Variants in MYO16 observed in about 807,000 individuals in gnomAD.
MYO16 encodes myosin XVI.
MYO16 carries 94 observed loss-of-function variants against 205.3 expected under a neutral mutation model. That is an observed-to-expected ratio of 0.46 (90% CI 0.39 to 0.54). The LOEUF is 0.54. MYO16 is among the 20% of genes least tolerant of loss of function. MYO16 has a pLI of 0.00. For synonymous variants in MYO16, 988 were observed against 954.0 expected (o/e 1.04, Z -0.66); for missense variants, 2,315 against 2,387.5 (o/e 0.97, Z 0.63).
intron 9 of MYO16, among the ~76,000 whole-genome samples, chr13:108,834,850 A>G (rs1876818772): frequency 6.6e-6 from 1 of 152,086 alleles, no homozygotes; most frequent in African/African-American, 2.4e-5. Context: ...CTACAAATGC[A>G]TAGTAAATGA....
At chr13:108,996,599 A>G (rs992170753) in intron 21 of MYO16, among the ~76,000 whole-genome samples, 5 of 152,204 alleles carry the variant, frequency 3.3e-5, no homozygotes, top group Admixed American at 6.5e-5. Flanking sequence ...AATTGCTTCA[A>G]ATGAGTCCAC....
rs367926306 is a variant in MYO16, at chr13:108,746,808, AT to A, written c.507+19226del. ...TCAGAGAACACCAGGCAAGATAAAC[AT>A]AAAAAACAAACGATGAAAACCCAAA... On this transcript the variant is annotated intron_variant, in intron 4 of 34. Coordinates refer to ENST00000457511, the MANE Select transcript of MYO16 (RefSeq NM_001198950.3). Among the ~76,000 whole-genome samples, 97 of 152,064 alleles carry A rather than the reference AT, an allele frequency of 6.4e-4. 1 individual carries two copies. The South Asian group carries it at 0.014, about 22-fold the overall frequency.
the MYO16 span, among the ~76,000 whole-genome samples, chr13:108,566,037 T>G: frequency 1.3e-5 from 2 of 152,240 alleles, no homozygotes; most frequent in East Asian, 3.9e-4. Flanking sequence ...AGAGTAATAC[T>G]GGCTTCATAG....
intron 14 of MYO16, among the ~76,000 whole-genome samples, chr13:108,891,639 C>T (rs1332220060): frequency 6.6e-6 from 1 of 152,200 alleles, no homozygotes; most frequent in Non-Finnish European, 1.5e-5. Flanking sequence ...GATATTGCTG[C>T]AGTGTGAAAT....
At chr13:109,119,321 T>TTAA (rs1875873790) in intron 28 of MYO16, among the ~76,000 whole-genome samples, 1 of 152,204 alleles carries the variant, frequency 6.6e-6, no homozygotes. Context: ...AGAGCACACA[T>TTAA]GTTAGACTTC....
At chr13:108,788,456 G>C (rs1886521183) in intron 5 of MYO16, among the ~76,000 whole-genome samples, 1 of 152,176 alleles carries the variant, frequency 6.6e-6, no homozygotes, top group South Asian at 2.1e-4. Context: ...AGAAAGCACT[G>C]ACAGGAGAGC....
the MYO16 span, among the ~76,000 whole-genome samples, chr13:108,556,917 C>A: frequency 1.3e-5 from 2 of 152,092 alleles, no homozygotes; most frequent in East Asian, 3.9e-4. Flanking sequence ...TGTGTTGGCG[C>A]CTTTGTCAAT....
intron 1 of MYO16, among the ~76,000 whole-genome samples, chr13:108,643,659 C>T (rs936931790): frequency 2.0e-5 from 3 of 152,160 alleles, no homozygotes; most frequent in African/African-American, 7.2e-5. Flanking sequence ...GAGTAGGATT[C>T]TCTTTGATGG....
chr13:108,968,980 A>G (rs1883908153), intron 20 of MYO16, among the ~76,000 whole-genome samples: 1 of 152,232 alleles, frequency 6.6e-6, no homozygotes, highest in Admixed American at 6.5e-5. Flanking sequence ...GAAAACCTCA[A>G]GACTGTGAAT....
rs74119767 is a variant in MYO16, at chr13:108,813,996, G to A, written c.868-6341G>A. On this transcript the variant is annotated intron_variant, in intron 7 of 34. Transcript: ENST00000457511. The stretch of plus-strand genomic sequence containing the variant: ...CGAAAAGAAAGGAATTCCCCTAGTA[G>A]GAGAAACTTCCTTATTTCACACATG... 5.8e-3 allele frequency among the ~76,000 whole-genome samples: 885 copies of A among 152,214 alleles called. 6 individuals carry two copies. The highest frequency in any genetic ancestry group is 0.02 in the African/African-American group (838 of 41,558).
intron 19 of MYO16, among the ~76,000 whole-genome samples, 168 bp from the exon 20 acceptor site, chr13:108,964,593 A>G (rs1883716453): frequency 6.6e-6 from 1 of 152,190 alleles, no homozygotes; most frequent in South Asian, 2.1e-4. Context: ...TTTAGGAAAC[A>G]TTTTGCATAA....
intron 22 of MYO16, among the ~76,000 whole-genome samples, chr13:109,017,058 AT>A (rs1321763980): frequency 6.6e-6 from 1 of 152,108 alleles, no homozygotes; most frequent in African/African-American, 2.4e-5. Flanking sequence ...TCTTCCTAGC[AT>A]TGATGGTCTT....
At chr13:108,522,722 C>T in the MYO16 span, among the ~76,000 whole-genome samples, 1 of 151,812 alleles carries the variant, frequency 6.6e-6, no homozygotes, top group African/African-American at 2.4e-5. Context: ...TTGTAGATCT[C>T]TGCTTTGTCT....
chr13:109,009,483 A>G (rs1340304018), intron 22 of MYO16, among the ~76,000 whole-genome samples: 1 of 152,200 alleles, frequency 6.6e-6, no homozygotes, highest in African/African-American at 2.4e-5. Context: ...ATATAAACAC[A>G]TATATAATGT....
At chr13:108,593,703 C>T (rs1348343819), upstream of MYO16, among the ~76,000 whole-genome samples, 1 of 152,118 alleles carries the variant, frequency 6.6e-6, no homozygotes, top group African/African-American at 2.4e-5. Flanking sequence ...TTCAGAGCTT[C>T]ACCCATGAAT....
At chr13:108,749,022 C>T (rs1457389767) in intron 4 of MYO16, among the ~76,000 whole-genome samples, 3 of 151,736 alleles carry the variant, frequency 2.0e-5, no homozygotes, top group Admixed American at 6.6e-5. Context: ...ACTCTTTTTT[C>T]AGTTTGGCAG....
At chr13:108,509,730 T>C in the MYO16 span, among the ~76,000 whole-genome samples, 3,050 of 152,292 alleles carry the variant, frequency 0.02, 44 homozygotes, top group Middle Eastern at 0.065. Context: ...CATACCAATA[T>C]GGCACATGTA....
At chr13:108,987,100 G>A (rs949737895) in intron 20 of MYO16, among the ~76,000 whole-genome samples, 12 of 152,260 alleles carry the variant, frequency 7.9e-5, no homozygotes, top group East Asian at 1.9e-4. Context: ...AATGTTCCTC[G>A]CAAGGGGTCC....
At chr13:108,840,047 T>C (rs1877155598) in intron 9 of MYO16, among the ~76,000 whole-genome samples, 1 of 152,206 alleles carries the variant, frequency 6.6e-6, no homozygotes, top group Non-Finnish European at 1.5e-5. Context: ...TTTTGCAGAA[T>C]GGCTACATAA....
Sources: allele counts gnomAD v4.1 joint callset (sites outside exome capture counted in the v4.1 genomes callset), GRCh38; gene constraint gnomAD v4.1.1; transcripts MANE v1.5; gene names NCBI Gene and HGNC (gene_info 2026-07-23, HGNC 2026-07-21).